Variants in DRD3 observed in about 807,000 individuals in gnomAD.
DRD3 encodes the protein dopamine receptor D3, also known as D(3) dopamine receptor.
A neutral mutation model predicts 36.3 loss-of-function variants in DRD3; 19 were observed. The observed-to-expected ratio is 0.52, with a 90% CI of 0.36 to 0.77. DRD3 has a LOEUF of 0.77. DRD3 is among the 30% of genes least tolerant of loss of function. The probability of loss-of-function intolerance (pLI) is 0.00; values close to 1 mark genes in which losing one functional copy is unlikely to be tolerated. For missense variants in DRD3, 465 were observed against 505.3 expected, an observed-to-expected ratio of 0.92 and a Z score of 0.77; for synonymous variants, 195 against 203.7, an observed-to-expected ratio of 0.96 and a Z score of 0.36.
intron 4 of DRD3, among the ~76,000 whole-genome samples, chr3:114,144,768 C>T (rs571442448): frequency 1.3e-5 from 2 of 152,288 alleles, no homozygotes; most frequent in African/African-American, 2.4e-5. Context: ...AATTGGAAGG[C>T]TTGCTAGAGT....
At chr3:114,161,903 G>T (rs1482875205) in intron 2 of DRD3, among the ~76,000 whole-genome samples, 2 of 152,042 alleles carry the variant, frequency 1.3e-5, no homozygotes, top group Non-Finnish European at 2.9e-5. Context: ...TTTTAAATTG[G>T]GTAAAAAAAC....
At chr3:114,184,043 C>T (rs557685892), upstream of DRD3, among the ~76,000 whole-genome samples, 22 of 152,154 alleles carry the variant, frequency 1.4e-4, no homozygotes, top group Non-Finnish European at 2.4e-4. Context: ...CCACATCTCA[C>T]TCTGCATGAC....
chr3:114,171,856 C>G lies in DRD3; in HGVS notation c.137G>C (p.Gly46Ala). The G allele has an allele frequency of 6.2e-7, 1 of 1,613,752 alleles. No individual in the cohort carries two copies. The change falls in exon 2 of 7, where the codon GGC (glycine) becomes GCC (alanine). Residue 46 changes from glycine to alanine, a missense_variant. Coordinates refer to ENST00000383673, the MANE Select transcript of DRD3 (RefSeq NM_000796.6). The stretch of plus-strand genomic sequence containing the variant: ...CACAGCCATGCACACCAGGCCATTG[C>G]CGAAGACGATGGCCAGGATGAGCGC... ...YCALILAIVFGNGLVCMAVLK... is the reference protein window; with the variant it reads ...YCALILAIVFANGLVCMAVLK...
At chr3:114,169,259 A>G (rs2077816221) in intron 2 of DRD3, among the ~76,000 whole-genome samples, 2 of 151,264 alleles carry the variant, frequency 1.3e-5, no homozygotes, top group African/African-American at 4.9e-5. Context: ...GAGATTAAGA[A>G]AAGTATAGAC....
At chr3:114,144,602 T>G (rs1412268304) in intron 4 of DRD3, among the ~76,000 whole-genome samples, 6 of 152,210 alleles carry the variant, frequency 3.9e-5, no homozygotes, top group Non-Finnish European at 8.8e-5. Flanking sequence ...AAGGGGCGAC[T>G]GATCTCTAAA....
intron 1 of DRD3, among the ~76,000 whole-genome samples, chr3:114,173,508 CTG>C (rs1482914421): frequency 6.6e-6 from 1 of 152,162 alleles, no homozygotes; most frequent in Non-Finnish European, 1.5e-5. Context: ...TGACGGGAGA[CTG>C]TGCCATAAAT....
chr3:114,144,538 G>A (rs776959160), intron 4 of DRD3, among the ~76,000 whole-genome samples: 163 of 152,180 alleles, frequency 1.1e-3, no homozygotes, highest in Non-Finnish European at 1.8e-3. Flanking sequence ...TTGAGGCAGA[G>A]GAGGACAGCT....
At chr3:114,192,730 T>C in intron 1 of DRD3, among the ~76,000 whole-genome samples, 1 of 152,184 alleles carries the variant, frequency 6.6e-6, no homozygotes, top group East Asian at 1.9e-4. Flanking sequence ...ATTCCAATTG[T>C]CAATGGAACA....
In DRD3 at chr3:114,127,875, C is replaced by A. The variant is rs961609768; in HGVS notation, c.*841G>T. On this transcript the variant is annotated 3_prime_UTR_variant, in exon 7 of 7. Coordinates refer to ENST00000383673, the MANE Select transcript of DRD3 (RefSeq NM_000796.6). ...TCCCTGTTAAGCAGAAATGGAGATG[C>A]CCTGGGTAGGAAAATTTGGTAGTGT... 6.6e-6 allele frequency among the ~76,000 whole-genome samples: 1 copy of A among 152,162 alleles called. No individual in the cohort carries two copies. Among genetic ancestry groups the A allele is most frequent in the Non-Finnish European group, 1.5e-5 (1 of 68,040 alleles).
intron 1 of DRD3, among the ~76,000 whole-genome samples, chr3:114,177,602 C>T (rs144985705): frequency 5.9e-5 from 9 of 152,214 alleles, no homozygotes; most frequent in African/African-American, 1.2e-4. Context: ...AGAAACTGTT[C>T]GGTATTTGCT....
chr3:114,142,547 A>G (rs2077535262), intron 4 of DRD3, among the ~76,000 whole-genome samples: 1 of 152,192 alleles, frequency 6.6e-6, no homozygotes, highest in Admixed American at 6.5e-5. Context: ...ATACATAAAC[A>G]TATTTGTGTA....
At chr3:114,191,206 C>T (rs1040977736) in intron 1 of DRD3, among the ~76,000 whole-genome samples, 16 of 152,104 alleles carry the variant, frequency 1.1e-4, no homozygotes, top group African/African-American at 3.4e-4. Flanking sequence ...CCAAGTAAAA[C>T]GAGAAAGTCT....
chr3:114,137,871 G>A lies in DRD3; in HGVS notation c.723+1629C>T, dbSNP rs1162270615. 9.3e-5 allele frequency among the ~76,000 whole-genome samples: 14 copies of A among 150,740 alleles called. No individual in the cohort carries two copies. In the South Asian group the frequency reaches 1.9e-3, roughly 21 times the overall value. Reference sequence around the variant, plus strand: ...AAATTAGCCGGGCGTGATGGTGGGCGCCTGTAGTCCCAGCTACTCGGGAGG... The same window carrying A: ...AAATTAGCCGGGCGTGATGGTGGGCACCTGTAGTCCCAGCTACTCGGGAGG... On this transcript the variant is annotated intron_variant, in intron 5 of 6. Coordinates refer to ENST00000383673, the MANE Select transcript of DRD3 (RefSeq NM_000796.6).
intron 1 of DRD3, among the ~76,000 whole-genome samples, chr3:114,197,120 T>C (rs2078041102): frequency 6.9e-6 from 1 of 145,668 alleles, no homozygotes; most frequent in Admixed American, 6.9e-5. Flanking sequence ...ACTTTTTCCT[T>C]TTTTTTTTTT....
At chr3:114,174,142 C>T (rs923956478) in intron 1 of DRD3, among the ~76,000 whole-genome samples, 2 of 152,112 alleles carry the variant, frequency 1.3e-5, no homozygotes, top group South Asian at 2.1e-4. Context: ...ATAATTTTCT[C>T]ATTATTCAGA....
intron 3 of DRD3, among the ~76,000 whole-genome samples, chr3:114,150,837 G>T (rs2107851562): frequency 6.6e-6 from 1 of 152,280 alleles, no homozygotes; most frequent in East Asian, 1.9e-4. Context: ...CGCCAGCACT[G>T]CCCGAATCTG....
chr3:114,149,985 C>A (rs2077602606), intron 3 of DRD3, among the ~76,000 whole-genome samples: 1 of 152,232 alleles, frequency 6.6e-6, no homozygotes, highest in Admixed American at 6.5e-5. Context: ...ACAGTGCTGA[C>A]TTACAGACTC....
intron 5 of DRD3, among the ~76,000 whole-genome samples, chr3:114,136,805 G>A (rs1412904308): frequency 6.6e-6 from 1 of 152,220 alleles, no homozygotes; most frequent in East Asian, 1.9e-4. Flanking sequence ...GCTGGGCGAG[G>A]CAGGCCTGGC....
intron 3 of DRD3, among the ~76,000 whole-genome samples, chr3:114,154,435 C>T (rs2077646968): frequency 6.6e-6 from 1 of 152,106 alleles, no homozygotes; most frequent in African/African-American, 2.4e-5. Context: ...AGGCCTGACT[C>T]TAACTCCCCG....
Sources: allele counts gnomAD v4.1 joint callset (sites outside exome capture counted in the v4.1 genomes callset), GRCh38; gene constraint gnomAD v4.1.1; transcripts MANE v1.5; gene names NCBI Gene and HGNC (gene_info 2026-07-23, HGNC 2026-07-21).